Variants in CNTN5 observed in about 807,000 individuals in gnomAD.
CNTN5 encodes contactin-5.
Under a neutral mutation model 129.1 loss-of-function variants are expected in CNTN5, and 77 were observed. The ratio of observed to expected loss-of-function variants is 0.60; its 90% CI spans 0.50 to 0.72. CNTN5 has a LOEUF of 0.72. CNTN5 is among the 30% of genes least tolerant of loss of function. CNTN5 has a pLI of 0.00. For missense variants in CNTN5, 1,478 were observed against 1,328.8 expected, an observed-to-expected ratio of 1.11 and a Z score of -1.75; for synonymous variants, 509 against 465.6, an observed-to-expected ratio of 1.09 and a Z score of -1.20.
intron 3 of CNTN5, among the ~76,000 whole-genome samples, chr11:99,727,779 C>T (rs1303818566): frequency 6.6e-6 from 1 of 152,064 alleles, no homozygotes; most frequent in Non-Finnish European, 1.5e-5. Flanking sequence ...ACCATAAAGT[C>T]ATTTTAAAAC....
At chr11:99,221,923 A>T (rs1159818711) in intron 1 of CNTN5, among the ~76,000 whole-genome samples, 3 of 151,966 alleles carry the variant, frequency 2.0e-5, no homozygotes, top group African/African-American at 7.2e-5. Flanking sequence ...CTACTGGAAT[A>T]TATGACCAGG....
intron 2 of CNTN5, among the ~76,000 whole-genome samples, chr11:99,419,218 G>C (rs1398924342): frequency 6.6e-6 from 1 of 152,082 alleles, no homozygotes; most frequent in Non-Finnish European, 1.5e-5. Context: ...CACAGCCTCA[G>C]GGATGGTATT....
At chr11:99,109,438 C>A (rs1451592189) in intron 1 of CNTN5, among the ~76,000 whole-genome samples, 1 of 151,526 alleles carries the variant, frequency 6.6e-6, no homozygotes, top group Non-Finnish European at 1.5e-5. Context: ...CTTTTTTTTG[C>A]ACAAAAGGAA....
intron 3 of CNTN5, among the ~76,000 whole-genome samples, chr11:99,741,455 A>G (rs764687655): frequency 6.6e-6 from 1 of 152,108 alleles, no homozygotes; most frequent in Non-Finnish European, 1.5e-5. Context: ...TTGAATTTAC[A>G]GGAAAGGGAT....
intron 20 of CNTN5, among the ~76,000 whole-genome samples, chr11:100,306,888 A>G (rs1397748304): frequency 6.6e-6 from 1 of 151,718 alleles, no homozygotes; most frequent in Non-Finnish European, 1.5e-5. Flanking sequence ...AACTTATACC[A>G]TGGCAGGAAT....
At chr11:99,695,126 A>T (rs1210834209) in intron 3 of CNTN5, among the ~76,000 whole-genome samples, 2 of 152,078 alleles carry the variant, frequency 1.3e-5, no homozygotes, top group Non-Finnish European at 2.9e-5. Context: ...TATCTAAATT[A>T]GGTAGAAGGG....
chr11:100,346,961 A>G (rs942377857), intron 23 of CNTN5, among the ~76,000 whole-genome samples: 3 of 152,132 alleles, frequency 2.0e-5, no homozygotes, highest in Non-Finnish European at 2.9e-5. Context: ...ACTCCCCTTT[A>G]TAAAACCATC....
intron 1 of CNTN5, among the ~76,000 whole-genome samples, chr11:99,222,236 A>G (rs1413343078): frequency 4.6e-5 from 7 of 151,960 alleles, no homozygotes; most frequent in African/African-American, 1.7e-4. Context: ...GATTATATCC[A>G]TCGATACAAA....
chr11:99,340,265 A>G (rs890620079), intron 2 of CNTN5, among the ~76,000 whole-genome samples: 1 of 152,178 alleles, frequency 6.6e-6, no homozygotes, highest in African/African-American at 2.4e-5. Flanking sequence ...ACTAGCAAAG[A>G]TGTAAAATAG....
At chr11:99,298,221 T>C (rs1002656493) in intron 1 of CNTN5, among the ~76,000 whole-genome samples, 8 of 152,196 alleles carry the variant, frequency 5.3e-5, no homozygotes, top group African/African-American at 1.9e-4. Context: ...GAGCAATGAA[T>C]GATTCGCGAA....
intron 1 of CNTN5, among the ~76,000 whole-genome samples, chr11:99,099,271 G>A (rs888859424): frequency 1.3e-5 from 2 of 152,024 alleles, no homozygotes; most frequent in African/African-American, 4.8e-5. Flanking sequence ...AAAGATATTA[G>A]TATAAAAGTA....
chr11:99,719,663 G>T (rs34090112), intron 3 of CNTN5, among the ~76,000 whole-genome samples: 10,046 of 151,902 alleles, frequency 0.066, 488 homozygotes, highest in South Asian at 0.23. Flanking sequence ...CAACCTCAAA[G>T]CTACCAGAAC....
intron 3 of CNTN5, among the ~76,000 whole-genome samples, chr11:99,790,777 C>T (rs1945712851): frequency 6.6e-6 from 1 of 152,118 alleles, no homozygotes; most frequent in African/African-American, 2.4e-5. Context: ...AACTAAGTTA[C>T]ATTCCCACTA....
rs145603783 is a variant in CNTN5, at chr11:100,193,469, C to A, written c.1709-19C>A. The A allele has an allele frequency of 1.4e-6, 2 of 1,421,330 alleles. No homozygotes were observed. Among genetic ancestry groups the A allele is most frequent in the Non-Finnish European group, 1.9e-6 (2 of 1,048,006 alleles). The allele number at this position is 1,421,330 out of a possible 1,614,324, so 88.0% of individuals were successfully genotyped here. On this transcript the variant is annotated intron_variant, in intron 14 of 24. Transcript: ENST00000524871. ...ACAACAGGTTGATTATCTTAATTAA[C>A]GTATTTTTATTTCTATAGAACCTAC...
intron 1 of CNTN5, among the ~76,000 whole-genome samples, chr11:99,175,248 TA>T (rs1227754202): frequency 6.6e-6 from 1 of 151,264 alleles, no homozygotes; most frequent in Non-Finnish European, 1.5e-5. Flanking sequence ...AAACAGAAAA[TA>T]AAAAAATAAA....
intron 3 of CNTN5, among the ~76,000 whole-genome samples, chr11:99,761,701 T>G (rs995201064): frequency 1.3e-5 from 2 of 151,688 alleles, no homozygotes; most frequent in African/African-American, 2.4e-5. Context: ...TCTTTGCTAT[T>G]GTGAATAATG....
At chr11:99,360,347 A>T (rs1307308146) in intron 2 of CNTN5, among the ~76,000 whole-genome samples, 1 of 152,076 alleles carries the variant, frequency 6.6e-6, no homozygotes, top group Non-Finnish European at 1.5e-5. Context: ...CTCCCTCTTG[A>T]AGCTCCTTAG....
intron 9 of CNTN5, among the ~76,000 whole-genome samples, chr11:100,035,950 G>C (rs1403820523): frequency 4.6e-5 from 7 of 152,088 alleles, no homozygotes; most frequent in African/African-American, 1.7e-4. Context: ...TTCTTTTGCT[G>C]TGCAGAAGCT....
chr11:99,281,012 T>C (rs1341272813), intron 1 of CNTN5, among the ~76,000 whole-genome samples: 2 of 151,506 alleles, frequency 1.3e-5, no homozygotes, highest in African/African-American at 4.8e-5. Flanking sequence ...AATTTAAAAA[T>C]CAGTGCATGG....
Sources: gnomAD v4.1 joint callset for allele counts (sites outside exome capture counted in the v4.1 genomes callset) on GRCh38, gnomAD v4.1.1 for gene constraint, MANE v1.5 for transcripts, NCBI Gene and HGNC (gene_info 2026-07-23, HGNC 2026-07-21) for gene names.